The following GABBR2 variants were observed in gnomAD, a reference collection of about 807,000 sequenced individuals.
GABBR2 encodes G-protein coupled receptor 51.
In GABBR2, 23 loss-of-function variants were observed where a neutral mutation model predicts 105.6. That is an observed-to-expected ratio of 0.22 (90% CI 0.16 to 0.31). The LOEUF is 0.31. Among genes scored for constraint, GABBR2 ranks in the 10% least tolerant of loss-of-function variants. The pLI is 1.00. For missense variants in GABBR2, 734 were observed against 1,245.5 expected, an observed-to-expected ratio of 0.59 and a Z score of 6.18; for synonymous variants, 478 against 499.7, an observed-to-expected ratio of 0.96 and a Z score of 0.58.
At chr9:98,579,074 C>T (rs1828964100) in intron 1 of GABBR2, among the ~76,000 whole-genome samples, 2 of 152,032 alleles carry the variant, frequency 1.3e-5, no homozygotes, top group African/African-American at 2.4e-5. Context: ...TACTTAATGC[C>T]ACTGAACTGT....
chr9:98,426,579 T>A lies in GABBR2; in HGVS notation c.1237-20438A>T, dbSNP rs1331834414. Among the ~76,000 whole-genome samples, 3 of 152,076 alleles carry A rather than the reference T, an allele frequency of 2.0e-5. No homozygotes were observed. In the East Asian group the frequency reaches 5.8e-4, roughly 29 times the overall value. On this transcript the variant is annotated intron_variant, in intron 7 of 18. Transcript: ENST00000259455. The stretch of plus-strand genomic sequence containing the variant: ...CTGGCATGCCTGATTGAGAACCCAT[T>A]CTCCCTTTTGGCTCAACTCCCCAAC...
chr9:98,308,154 A>G (rs1253782395), intron 14 of GABBR2, among the ~76,000 whole-genome samples: 4 of 152,170 alleles, frequency 2.6e-5, no homozygotes, highest in Admixed American at 6.5e-5. Context: ...GAATCGCTTG[A>G]ACCCAGGAGG....
intron 3 of GABBR2, among the ~76,000 whole-genome samples, chr9:98,508,422 C>G (rs548261949): frequency 2.6e-5 from 4 of 152,344 alleles, no homozygotes; most frequent in East Asian, 1.9e-4. Context: ...AAGTGCAGGA[C>G]AGTGGGTGCA....
At chr9:98,639,703 T>C (rs953355806) in intron 1 of GABBR2, among the ~76,000 whole-genome samples, 1 of 152,134 alleles carries the variant, frequency 6.6e-6, no homozygotes, top group Non-Finnish European at 1.5e-5. Context: ...TCCCCTTCCC[T>C]GACCCAGAAG....
At chr9:98,327,047 G>A (rs1830936296) in intron 13 of GABBR2, among the ~76,000 whole-genome samples, 1 of 152,206 alleles carries the variant, frequency 6.6e-6, no homozygotes, top group Non-Finnish European at 1.5e-5. Context: ...TCAATACCCT[G>A]TTGGGCTAAA....
chr9:98,521,169 T>C (rs1295450054), intron 3 of GABBR2, among the ~76,000 whole-genome samples: 1 of 152,058 alleles, frequency 6.6e-6, no homozygotes, highest in Non-Finnish European at 1.5e-5. Flanking sequence ...AATATAAAAA[T>C]AGGGGGGAAT....
chr9:98,562,062 A>T (rs1220803430), intron 2 of GABBR2, among the ~76,000 whole-genome samples: 2 of 152,186 alleles, frequency 1.3e-5, no homozygotes, highest in African/African-American at 2.4e-5. Flanking sequence ...GGAAAAATGT[A>T]TATTTACAAT....
At chr9:98,646,109 T>G (rs1175747504) in intron 1 of GABBR2, among the ~76,000 whole-genome samples, 3 of 150,876 alleles carry the variant, frequency 2.0e-5, no homozygotes, top group Non-Finnish European at 4.4e-5. Context: ...AAAGATCTGC[T>G]GGAGAGGTTG....
intron 1 of GABBR2, among the ~76,000 whole-genome samples, chr9:98,634,632 C>T (rs1169684441): frequency 6.6e-6 from 1 of 152,154 alleles, no homozygotes; most frequent in Non-Finnish European, 1.5e-5. Context: ...CTGCTGACAC[C>T]TTAATTTTGG....
intron 4 of GABBR2, among the ~76,000 whole-genome samples, chr9:98,493,875 A>G (rs1455611189): frequency 6.6e-6 from 1 of 152,228 alleles, no homozygotes; most frequent in East Asian, 1.9e-4. Context: ...ACCAAGACAG[A>G]CAGAAATTTC....
intron 6 of GABBR2, among the ~76,000 whole-genome samples, chr9:98,456,112 C>T (rs1241793686): frequency 1.3e-5 from 2 of 152,090 alleles, no homozygotes; most frequent in Non-Finnish European, 1.5e-5. Flanking sequence ...TCCACCCGCC[C>T]ACACTCCATG....
chr9:98,315,867 C>A (rs544627689), intron 13 of GABBR2, among the ~76,000 whole-genome samples: 2 of 152,244 alleles, frequency 1.3e-5, no homozygotes, highest in African/African-American at 2.4e-5. Flanking sequence ...CACCCACTGG[C>A]CTTACATGAG....
intron 2 of GABBR2, among the ~76,000 whole-genome samples, chr9:98,572,864 C>G (rs528843608): frequency 1.3e-5 from 2 of 152,174 alleles, no homozygotes; most frequent in African/African-American, 2.4e-5. Flanking sequence ...TCCAAGCCCC[C>G]CCAGCATGCC....
chr9:98,602,428 C>T (rs1829353409), intron 1 of GABBR2, among the ~76,000 whole-genome samples: 1 of 147,116 alleles, frequency 6.8e-6, no homozygotes, highest in Admixed American at 6.9e-5. Flanking sequence ...GCCGAGATCG[C>T]ACCACTGGGT....
At chr9:98,300,270 G>A (rs1216050835) in intron 16 of GABBR2, among the ~76,000 whole-genome samples, 1 of 152,026 alleles carries the variant, frequency 6.6e-6, no homozygotes, top group East Asian at 1.9e-4. Flanking sequence ...GACCTGCAGG[G>A]TCTCACTCAG....
intron 3 of GABBR2, among the ~76,000 whole-genome samples, chr9:98,519,837 A>G (rs1481534041): frequency 6.6e-6 from 1 of 151,948 alleles, no homozygotes; most frequent in African/African-American, 2.4e-5. Flanking sequence ...GGGTGTGGCT[A>G]TGTTCCAATA....
chr9:98,410,818 A>G (rs1451441296), intron 7 of GABBR2, among the ~76,000 whole-genome samples: 1 of 152,160 alleles, frequency 6.6e-6, no homozygotes, highest in Non-Finnish European at 1.5e-5. Flanking sequence ...TCAAGAAAAC[A>G]AAAACCACTT....
At chr9:98,440,553 TCTTTA>T (rs1311586772) in intron 7 of GABBR2, among the ~76,000 whole-genome samples, 1 of 152,046 alleles carries the variant, frequency 6.6e-6, no homozygotes, top group Non-Finnish European at 1.5e-5. Context: ...AGACTCCAGG[TCTTTA>T]CTTTAAAATT....
At chr9:98,502,369 C>T (rs77149365) in intron 3 of GABBR2, among the ~76,000 whole-genome samples, 78 of 152,324 alleles carry the variant, frequency 5.1e-4, no homozygotes, top group African/African-American at 1.9e-3. Flanking sequence ...CTCCTCCCTG[C>T]TCTGAAGCCT....
Sources: allele counts gnomAD v4.1 joint callset (sites outside exome capture counted in the v4.1 genomes callset), GRCh38; gene constraint gnomAD v4.1.1; transcripts MANE v1.5; gene names NCBI Gene and HGNC (gene_info 2026-07-23, HGNC 2026-07-21).